Variants in CDK12 observed in about 807,000 individuals in gnomAD.
The protein encoded by CDK12 is cyclin dependent kinase 12.
Under a neutral mutation model 133.8 loss-of-function variants are expected in CDK12, and 17 were observed. The ratio of observed to expected loss-of-function variants is 0.13; its 90% CI spans 0.09 to 0.19. CDK12 has a LOEUF of 0.19. CDK12 is among the 10% of genes least tolerant of loss of function. The pLI, the probability that CDK12 is intolerant of heterozygous loss-of-function variation, is 1.00. For missense variants in CDK12, 1,508 were observed against 1,818.7 expected, an observed-to-expected ratio of 0.83 and a Z score of 3.11; for synonymous variants, 694 against 683.6, an observed-to-expected ratio of 1.02 and a Z score of -0.24.
chr17:39,560,993 G>C lies in CDK12; in HGVS notation n.485-3767G>C, dbSNP rs189593781. ...CGTGCCGCTGCACTCCAGCCTGGGC[G>C]ACACAGCAAGACTCTGTCTCAAAAA... On this transcript the variant is annotated intron_variant and non_coding_transcript_variant, in intron 3 of 3. Coordinates refer to the CDK12 transcript ENST00000558240. Among the ~76,000 whole-genome samples, 3 of 152,106 alleles carry C rather than the reference G, an allele frequency of 2.0e-5. No individual in the cohort carries two copies. The East Asian group carries it at 5.8e-4, about 29-fold the overall frequency.
In CDK12 at chr17:39,462,061, G is replaced by A. The variant is rs1425362117; in HGVS notation, c.-11G>A. On this transcript the variant is annotated 5_prime_UTR_variant, in exon 1 of 14. Transcript: ENST00000447079. ...GAACTTTTTTCCCTTCTTCAGGTCA[G>A]GGGAAAGGGAATGCCCAATTCAGAG... is the stretch of plus-strand genomic sequence containing the variant. The A allele has an allele frequency of 6.2e-7, 1 of 1,610,568 alleles. No individual in the cohort carries two copies. Among genetic ancestry groups the A allele is most frequent in the Non-Finnish European group, 8.5e-7 (1 of 1,177,530 alleles).
rs774689604 is a variant in CDK12 at position 39,525,864 on chromosome 17, G to T, written c.3308G>T (p.Gly1103Val). 6.2e-7 allele frequency: 1 copy of T among 1,612,472 alleles called. No homozygotes were observed. Among genetic ancestry groups the T allele is most frequent in the Non-Finnish European group, 8.5e-7 (1 of 1,178,866 alleles). ...TATTGGCTTCACTGTCTTTCAACAG[G>T]CCTTGCTGACATCACACAACAGCTG... is the stretch of plus-strand genomic sequence containing the variant. ...KVESGAGDAIGLADITQQLNQ... is the reference protein window; with the variant it reads ...KVESGAGDAIVLADITQQLNQ... The change falls in exon 13 of 14, where the codon GGC (glycine) becomes GTC (valine). Residue 1103 changes from glycine to valine, a missense_variant and splice_region_variant. Transcript: ENST00000447079.
At chr17:39,513,294 C>G (rs2053603083) in intron 8 of CDK12, among the ~76,000 whole-genome samples, 1 of 152,160 alleles carries the variant, frequency 6.6e-6, no homozygotes, top group South Asian at 2.1e-4. Context: ...CCCAGTGGAG[C>G]AAATCACTTC....
rs201614723 is a variant in CDK12 at position 39,492,985 on chromosome 17, T to TTTTG, written c.2248+119_2248+122dup. 2.2e-4 allele frequency: 242 copies of TTTTG among 1,102,744 alleles called. 2 individuals are homozygous for TTTTG. The highest frequency in any genetic ancestry group is 1.3e-3 in the South Asian group (83 of 61,990). 68.3% of individuals were successfully genotyped at this position (1,102,744 alleles called of 1,614,324 possible). A position where few individuals can be genotyped will look rare whatever the true frequency, so the allele number is the denominator to read the frequency against. ...TTTAGCAAAAGTAAATTCTGAGGTG[T>TTTTG]TTTGTTTGTTTGTTTGTTTGTTTGT... On this transcript the variant is annotated intron_variant, in intron 4 of 13. Transcript: ENST00000447079.
chr17:39,511,613 A>G lies in CDK12; in HGVS notation c.2751A>G (p.Ile917Met). 1 of 1,609,352 alleles carries G rather than the reference A, an allele frequency of 6.2e-7. No homozygotes were observed. The highest frequency in any genetic ancestry group is 8.5e-7 in the Non-Finnish European group (1 of 1,176,238). ...GAGAGGAACGTTACACACCAGCCAT[A>G]GATGTTTGGAGCTGTGGGTAAGGTT... ...LLGEERYTPA[I>M]DVWSCGCILG... Residue 917 changes from isoleucine (I) to methionine (M), a missense_variant, in exon 8 of 14, where the codon ATA becomes ATG. Ile to Met is a conservative substitution (Grantham distance 10). Transcript: ENST00000447079.
At chr17:39,499,597 C>T (rs578230675) in intron 5 of CDK12, among the ~76,000 whole-genome samples, 3 of 151,560 alleles carry the variant, frequency 2.0e-5, no homozygotes, top group African/African-American at 7.3e-5. Flanking sequence ...GCGACCTCTG[C>T]CTGCTGGGTT....
At chr17:39,511,147 G>A (rs1188581973) in intron 7 of CDK12, among the ~76,000 whole-genome samples, 4 of 149,386 alleles carry the variant, frequency 2.7e-5, no homozygotes, top group South Asian at 2.1e-4. Context: ...CCTGGGAGGC[G>A]GAGCTTGCAA....
At chr17:39,492,469 G>A (rs1233260593) in intron 3 of CDK12, among the ~76,000 whole-genome samples, 1 of 147,854 alleles carries the variant, frequency 6.8e-6, no homozygotes, top group South Asian at 2.1e-4. Context: ...GTGCAGTGGC[G>A]CATTCTTGGC....
chr17:39,541,337 T>C (rs1314469692), intron 1 of CDK12, among the ~76,000 whole-genome samples: 1 of 151,854 alleles, frequency 6.6e-6, no homozygotes, highest in East Asian at 1.9e-4. Flanking sequence ...CTTTTCCTCT[T>C]AATGGGAGGA....
At chr17:39,471,985 T>C (rs2049830744) in intron 2 of CDK12, among the ~76,000 whole-genome samples, 1 of 152,118 alleles carries the variant, frequency 6.6e-6, no homozygotes, top group Non-Finnish European at 1.5e-5. Flanking sequence ...TTATTTATTT[T>C]GTATTTTTTG....
At chr17:39,507,029 T>C (rs1402785027) in intron 6 of CDK12, among the ~76,000 whole-genome samples, 2 of 151,962 alleles carry the variant, frequency 1.3e-5, no homozygotes, top group African/African-American at 4.8e-5. Context: ...CCCAAGTGGC[T>C]AGGACTACAG....
At chr17:39,466,541 G>A (rs62075056) in intron 1 of CDK12, among the ~76,000 whole-genome samples, 93,057 of 146,622 alleles carry the variant, frequency 0.63, 32,003 homozygotes, top group South Asian at 0.89. Flanking sequence ...TTGAACCCAG[G>A]AGGAGGAGGT....
downstream of CDK12, chr17:39,534,740 G>C (rs2143392631): frequency 5.5e-6 from 1 of 182,890 alleles, no homozygotes; most frequent in South Asian, 2.0e-4. Context: ...CTAGGAACTA[G>C]AGAATAAATG....
intron 11 of CDK12, 60 bp from the exon 12 acceptor site, chr17:39,524,614 C>T: frequency 1.4e-6 from 2 of 1,386,218 alleles, no homozygotes; most frequent in Admixed American, 3.5e-5. Flanking sequence ...TCCTTTGCTC[C>T]TCCATTCATT....
chr17:39,467,713 A>G (rs192775864), intron 1 of CDK12, among the ~76,000 whole-genome samples: 1 of 152,228 alleles, frequency 6.6e-6, no homozygotes, highest in East Asian at 1.9e-4. Flanking sequence ...TAGAGATGTT[A>G]CTTAGCTGTA....
intron 13 of CDK12, chr17:39,530,312 A>G (rs901306539): frequency 4.6e-5 from 13 of 284,650 alleles, no homozygotes; most frequent in African/African-American, 6.6e-5. Context: ...AACAGCCTGC[A>G]TGTTAGAACA....
chr17:39,484,937 G>A (rs950862895), intron 2 of CDK12, among the ~76,000 whole-genome samples: 2 of 152,058 alleles, frequency 1.3e-5, no homozygotes, highest in African/African-American at 2.4e-5. Flanking sequence ...TTGGGAGGCC[G>A]AGGCGGGCGG....
chr17:39,520,244 GT>G (rs969158233), intron 11 of CDK12, among the ~76,000 whole-genome samples, 157 bp downstream of exon 11: 12 of 151,974 alleles, frequency 7.9e-5, no homozygotes, highest in Non-Finnish European at 1.8e-4. Flanking sequence ...TATCTTTGTT[GT>G]TTTTTTCTTT....
Position 39,481,634 on chromosome 17 carries a change from CTCTCTCTCTCTCTCT to C in CDK12, c.1932-8922_1932-8908del, listed in dbSNP as rs1567706023. On this transcript the variant is annotated intron_variant, in intron 2 of 13. Transcript: ENST00000447079. ...ACTTATGTGCTTGCTCGCTCGCGCG[CTCTCTCTCTCTCTCT>C]CTCTCTCTCTCTCTCTCTCTCTCTC... 3.1e-3 allele frequency among the ~76,000 whole-genome samples: 12 copies of C among 3,908 alleles called. 3 individuals carry two copies. The highest frequency in any genetic ancestry group is 7.4e-3 in the Admixed American group (3 of 408). The allele number at this position is 3,908 out of a possible 152,430, so 2.6% of individuals were successfully genotyped here.
Sources: allele counts gnomAD v4.1 joint callset (sites outside exome capture counted in the v4.1 genomes callset), GRCh38; gene constraint gnomAD v4.1.1; transcripts MANE v1.5; gene names NCBI Gene and HGNC (gene_info 2026-07-23, HGNC 2026-07-21).